Variants in CSMD1 observed in about 807,000 individuals in gnomAD.
The protein encoded by CSMD1 is CUB and Sushi multiple domains 1.
In CSMD1, 213 loss-of-function variants were observed where a neutral mutation model predicts 417.5. The ratio of observed to expected loss-of-function variants is 0.51; its 90% confidence interval spans 0.46 to 0.57. The LOEUF (loss-of-function observed/expected upper bound fraction) is 0.57. CSMD1 is among the 20% of genes least tolerant of loss of function. The probability of loss-of-function intolerance (pLI) is 0.00; values close to 1 mark genes in which losing one functional copy is unlikely to be tolerated. For missense variants in CSMD1, 6,923 were observed against 4,529.7 expected, an observed-to-expected ratio of 1.53 and a Z score of -15.17; for synonymous variants, 2,862 against 1,736.8, an observed-to-expected ratio of 1.65 and a Z score of -16.11.
intron 2 of CSMD1, among the ~76,000 whole-genome samples, chr8:4,445,544 T>G (rs113171655): frequency 2.6e-5 from 4 of 152,192 alleles, no homozygotes; most frequent in African/African-American, 9.7e-5. Flanking sequence ...GGGTAGCTTG[T>G]GTGATAAAAA....
At chr8:3,925,562 G>A (rs773164842) in intron 5 of CSMD1, among the ~76,000 whole-genome samples, 57 of 152,200 alleles carry the variant, frequency 3.7e-4, no homozygotes, top group Non-Finnish European at 7.1e-4. Flanking sequence ...AGGGACCCAC[G>A]GTGAGGTAAC....
In CSMD1 at chr8:3,340,746, T is replaced by C. The variant is rs566128618; in HGVS notation, c.3631+2548A>G. Among the ~76,000 whole-genome samples the C allele has an allele frequency of 1.1e-3, 174 of 152,300 alleles. No individual in the cohort carries two copies. In the South Asian group the frequency reaches 0.019, roughly 17 times the overall value. On this transcript the variant is annotated intron_variant, in intron 23 of 69. Coordinates refer to ENST00000635120, the MANE Select transcript of CSMD1 (RefSeq NM_033225.6). ...TAATGTGAGGTTAATACTATTTTGA[T>C]TATATGGCCATCAGCACCACCAATT...
intron 11 of CSMD1, among the ~76,000 whole-genome samples, chr8:3,488,359 C>T (rs547350587): frequency 2.0e-5 from 3 of 152,210 alleles, no homozygotes; most frequent in Non-Finnish European, 4.4e-5. Flanking sequence ...TCTCCCTCCT[C>T]GGCTTCCCAA....
chr8:4,439,449 T>G (rs1449573357), intron 2 of CSMD1, among the ~76,000 whole-genome samples: 1 of 152,164 alleles, frequency 6.6e-6, no homozygotes, highest in African/African-American at 2.4e-5. Context: ...ATCTAACTTT[T>G]TCCTAACATT....
chr8:4,185,016 T>G (rs997940024), intron 3 of CSMD1, among the ~76,000 whole-genome samples: 1 of 151,018 alleles, frequency 6.6e-6, no homozygotes, highest in African/African-American at 2.4e-5. Flanking sequence ...GTGGGTGCCT[T>G]TAATCCCAGC....
rs575330884 is a variant in CSMD1, at chr8:3,772,580, CAT to C, written c.819-18540_819-18539del. Among the ~76,000 whole-genome samples, 6 of 124,390 alleles carry C rather than the reference CAT, an allele frequency of 4.8e-5. 1 individual carries two copies. Among genetic ancestry groups the C allele is most frequent in the Admixed American group, 1.9e-4 (2 of 10,512 alleles). 81.6% of individuals were successfully genotyped at this position (124,390 alleles called of 152,430 possible). On this transcript the variant is annotated intron_variant, in intron 5 of 69. Coordinates refer to ENST00000635120, the MANE Select transcript of CSMD1 (RefSeq NM_033225.6). The stretch of plus-strand genomic sequence containing the variant: ...ATATACATATATATACATATATACA[CAT>C]ATATTTATATACATATATACACATA...
At position 3,214,650 on chromosome 8, in the gene CSMD1, T is replaced by G; in HGVS notation, c.4714A>C (p.Asn1572His). 1 of 1,552,082 alleles carries G rather than the reference T, an allele frequency of 6.4e-7. No individual in the cohort carries two copies. The highest frequency in any genetic ancestry group is 1.2e-5 in the South Asian group (1 of 83,994). ...EACFDPGNIM[N>H]GTRVGTDFKL... ...AAGTCTGTTCCAACTCTTGTCCCAT[T>G]CATTATATTTCCTGGGTCAAAACAA... The change falls in exon 30 of 70, where the codon AAT (asparagine) becomes CAT (histidine). Residue 1572 changes from asparagine (N) to histidine (H), a missense_variant. By Grantham distance (68) the Asn-to-His change is moderately conservative. Coordinates refer to ENST00000635120, the MANE Select transcript of CSMD1 (RefSeq NM_033225.6).
chr8:4,985,438 C>T (rs1811128650), intron 1 of CSMD1, among the ~76,000 whole-genome samples: 1 of 152,110 alleles, frequency 6.6e-6, no homozygotes, highest in Non-Finnish European at 1.5e-5. Context: ...TTATACTGAA[C>T]TGAGTGATTC....
At position 2,966,634 on chromosome 8, in the gene CSMD1, T is replaced by C. The variant is rs1326037234; in HGVS notation, c.9036A>G (p.Ser3012=). ...CTGTGCAATGCCGTGTCATGAGCCC[T>C]GAGGTCTTGTAGCCTTCCCAGCAGG... The part of the protein sequence containing the change: ...IYACWEGYKT[S]GLMTRHCTAN... Residue 3012 remains serine (S), a synonymous_variant, in exon 58 of 70, where the codon TCA becomes TCG. Coordinates refer to ENST00000635120, the MANE Select transcript of CSMD1 (RefSeq NM_033225.6). The C allele has an allele frequency of 1.2e-6, 2 of 1,613,804 alleles. No homozygotes were observed. Among genetic ancestry groups the C allele is most frequent in the Non-Finnish European group, 1.7e-6 (2 of 1,179,796 alleles).
At chr8:3,476,842 T>A (rs1817456071) in intron 11 of CSMD1, among the ~76,000 whole-genome samples, 1 of 144,340 alleles carries the variant, frequency 6.9e-6, no homozygotes, top group Non-Finnish European at 1.5e-5. Flanking sequence ...GGCTTGAACC[T>A]GGGAAGCAGA....
chr8:3,232,133 T>A (rs1294171166), intron 26 of CSMD1, among the ~76,000 whole-genome samples: 1 of 152,232 alleles, frequency 6.6e-6, no homozygotes, highest in Non-Finnish European at 1.5e-5. Flanking sequence ...CTTCCCCATA[T>A]CACCTTCTTC....
chr8:3,356,155 G>T (rs879401070), intron 21 of CSMD1, among the ~76,000 whole-genome samples: 3 of 152,188 alleles, frequency 2.0e-5, no homozygotes, highest in Non-Finnish European at 4.4e-5. Flanking sequence ...ATCCTTAGGT[G>T]TCACCTGCAA....
Position 4,174,722 on chromosome 8 carries a change from G to GGATGTGAGGAAGAGC in CSMD1, c.416-142624_416-142623insGCTCTTCCTCACATC, listed in dbSNP as rs1310978655. ...TAGAACACTGAAGAGAGAGGAAGAG[G>GGATGTGAGGAAGAGC]GATGTGAGGAAGAGGGATGTGAGGA... On this transcript the variant is annotated intron_variant, in intron 3 of 69. Transcript: ENST00000635120. Among the ~76,000 whole-genome samples, 104 of 106,672 alleles carry GGATGTGAGGAAGAGC rather than the reference G, an allele frequency of 9.7e-4. 2 individuals carry two copies. The highest frequency in any genetic ancestry group is 4.7e-3 in the African/African-American group (103 of 21,928). The allele number at this position is 106,672 out of a possible 152,430, so 70.0% of individuals were successfully genotyped here. A position where few individuals can be genotyped will look rare whatever the true frequency, so the allele number is the denominator to read the frequency against.
intron 2 of CSMD1, among the ~76,000 whole-genome samples, chr8:4,475,599 T>C (rs1250077921): frequency 6.6e-6 from 1 of 151,562 alleles, no homozygotes; most frequent in Non-Finnish European, 1.5e-5. Flanking sequence ...TTTCTTAGGG[T>C]TTTTTTTCTT....
At chr8:3,301,465 GA>G (rs1804402207) in intron 25 of CSMD1, among the ~76,000 whole-genome samples, 1 of 152,168 alleles carries the variant, frequency 6.6e-6, no homozygotes, top group African/African-American at 2.4e-5. Context: ...GGTAACTGAT[GA>G]AGAGAAATGA....
intron 4 of CSMD1, among the ~76,000 whole-genome samples, chr8:4,029,651 C>G (rs990710740): frequency 6.6e-6 from 1 of 152,104 alleles, no homozygotes; most frequent in South Asian, 2.1e-4. Flanking sequence ...TATCATTTCG[C>G]TCCTGGACCC....
chr8:3,695,487 TATG>T (rs1800500778), intron 7 of CSMD1, among the ~76,000 whole-genome samples: 1 of 152,174 alleles, frequency 6.6e-6, no homozygotes, highest in Non-Finnish European at 1.5e-5. Flanking sequence ...GGCTTTACCT[TATG>T]ATAATTAGCG....
chr8:3,934,286 A>C (rs1444119190), intron 5 of CSMD1, among the ~76,000 whole-genome samples: 1 of 152,190 alleles, frequency 6.6e-6, no homozygotes, highest in Non-Finnish European at 1.5e-5. Flanking sequence ...ATTTAATCTG[A>C]ACCAAAGTGC....
chr8:3,867,664 A>T (rs1413129050), intron 5 of CSMD1, among the ~76,000 whole-genome samples: 1 of 152,130 alleles, frequency 6.6e-6, no homozygotes, highest in East Asian at 1.9e-4. Flanking sequence ...ATCTTGGTTA[A>T]TCTTCACAGA....
Sources: allele counts gnomAD v4.1 joint callset (sites outside exome capture counted in the v4.1 genomes callset), GRCh38; gene constraint gnomAD v4.1.1; transcripts MANE v1.5; gene names NCBI Gene and HGNC (gene_info 2026-07-23, HGNC 2026-07-21).